Variants in RBFOX1 observed in about 807,000 individuals in gnomAD.
The protein encoded by RBFOX1 is RNA binding protein fox-1 homolog 1.
In RBFOX1, 8 loss-of-function variants were observed where a neutral mutation model predicts 57.7. The observed-to-expected ratio is 0.14, with a 90% confidence interval of 0.08 to 0.25. The LOEUF is 0.25. Among genes scored for constraint, RBFOX1 ranks in the 10% least tolerant of loss-of-function variants. The pLI, the probability that RBFOX1 is intolerant of heterozygous loss-of-function variation, is 1.00. For synonymous variants in RBFOX1, 326 were observed against 222.4 expected, an observed-to-expected ratio of 1.47 and a Z score of -4.15; for missense variants, 611 against 548.5, an observed-to-expected ratio of 1.11 and a Z score of -1.14.
At position 7,399,213 on chromosome 16, in the gene RBFOX1, C is replaced by T. The variant is rs183828940; in HGVS notation, c.28-118934C>T. On this transcript the variant is annotated intron_variant, in intron 4 of 15. Transcript: ENST00000550418. Reference sequence around the variant, plus strand: ...CTGTTATCCCAACATTTTGGGAGGCCGAAGCAGGTGGATTACCTGAGGTCA... The same window carrying T: ...CTGTTATCCCAACATTTTGGGAGGCTGAAGCAGGTGGATTACCTGAGGTCA... Among the ~76,000 whole-genome samples, 48 of 152,284 alleles carry T rather than the reference C, an allele frequency of 3.2e-4. No homozygotes were observed. The East Asian group carries it at 6.0e-3, about 19-fold the overall frequency.
At chr16:6,826,904 T>C (rs953390023) in intron 3 of RBFOX1, among the ~76,000 whole-genome samples, 6 of 152,142 alleles carry the variant, frequency 3.9e-5, no homozygotes, top group Non-Finnish European at 8.8e-5. Flanking sequence ...CCGAATAAAA[T>C]CTGAATCTCT....
At chr16:5,649,697 C>A (rs2049169577) in intron 3 of RBFOX1, among the ~76,000 whole-genome samples, 1 of 152,182 alleles carries the variant, frequency 6.6e-6, no homozygotes, top group African/African-American at 2.4e-5. Flanking sequence ...TATCCACGCA[C>A]AAAGTACTGC....
At chr16:6,724,048 C>T (rs1032093031) in intron 3 of RBFOX1, among the ~76,000 whole-genome samples, 8 of 152,172 alleles carry the variant, frequency 5.3e-5, no homozygotes, top group African/African-American at 1.7e-4. Context: ...GTACCCTGAA[C>T]ATTTATATGA....
chr16:6,694,842 C>G (rs886879747), intron 3 of RBFOX1, among the ~76,000 whole-genome samples: 2 of 151,970 alleles, frequency 1.3e-5, no homozygotes, highest in African/African-American at 4.8e-5. Flanking sequence ...CAGACCTGGT[C>G]TAGAGTCCAG....
chr16:7,647,260 C>A (rs555123788), intron 11 of RBFOX1, among the ~76,000 whole-genome samples: 3 of 152,240 alleles, frequency 2.0e-5, no homozygotes, highest in African/African-American at 7.2e-5. Flanking sequence ...ACAAGATGCT[C>A]AATTGGTATT....
At chr16:7,442,720 C>T (rs758514709) in intron 4 of RBFOX1, among the ~76,000 whole-genome samples, 18 of 152,080 alleles carry the variant, frequency 1.2e-4, no homozygotes, top group Non-Finnish European at 1.9e-4. Flanking sequence ...GATGGTTGTC[C>T]GTCTTGTCAA....
chr16:6,002,223 C>T (rs919788101), intron 4 of RBFOX1, among the ~76,000 whole-genome samples: 27 of 152,242 alleles, frequency 1.8e-4, no homozygotes, highest in African/African-American at 5.5e-4. Context: ...ATGATCCTCC[C>T]GCCCCAGCCT....
rs117695934 is a variant in RBFOX1, at chr16:5,765,663, C to T, written c.319-101640C>T. ...ATATGGTACTTTTTTGCAATTCAAC[C>T]GAAAATGGCAGGGTATGGACTCGCC... is the stretch of plus-strand genomic sequence containing the variant. On this transcript the variant is annotated intron_variant, in intron 3 of 19. Coordinates refer to the RBFOX1 transcript ENST00000641259. Among the ~76,000 whole-genome samples, 249 of 152,256 alleles carry T rather than the reference C, an allele frequency of 1.6e-3. 1 individual carries two copies. Among genetic ancestry groups the T allele is most frequent in the Non-Finnish European group, 2.9e-3 (198 of 68,020 alleles).
intron 2 of RBFOX1, among the ~76,000 whole-genome samples, chr16:5,574,366 T>G (rs1174196553): frequency 6.6e-6 from 1 of 152,210 alleles, no homozygotes; most frequent in Non-Finnish European, 1.5e-5. Flanking sequence ...CAAGCCCGCC[T>G]TGCCACATCT....
chr16:7,526,911 G>A (rs1363835575), intron 5 of RBFOX1, among the ~76,000 whole-genome samples: 2 of 152,194 alleles, frequency 1.3e-5, no homozygotes, highest in South Asian at 2.1e-4. Context: ...AGGGCTGGAA[G>A]CCCAGAAGGC....
chr16:7,175,270 G>T (rs1601878725), intron 4 of RBFOX1, among the ~76,000 whole-genome samples: 1 of 151,922 alleles, frequency 6.6e-6, no homozygotes, highest in East Asian at 1.9e-4. Flanking sequence ...TCATTTTTCA[G>T]CTCCCACTTA....
intron 3 of RBFOX1, among the ~76,000 whole-genome samples, chr16:5,813,408 G>T (rs1016675646): frequency 3.9e-5 from 6 of 151,974 alleles, no homozygotes; most frequent in Non-Finnish European, 7.4e-5. Flanking sequence ...TTCCTCCCCG[G>T]CCCTCAGTAA....
chr16:6,852,160 C>G (rs1322923994), intron 3 of RBFOX1, among the ~76,000 whole-genome samples: 1 of 152,076 alleles, frequency 6.6e-6, no homozygotes, highest in Non-Finnish European at 1.5e-5. Context: ...TGTCTGAAAT[C>G]AGTGTCACTG....
At chr16:7,194,025 T>C (rs1278830555) in intron 4 of RBFOX1, among the ~76,000 whole-genome samples, 3 of 152,178 alleles carry the variant, frequency 2.0e-5, no homozygotes, top group Admixed American at 6.5e-5. Flanking sequence ...ATTATGGATT[T>C]AGACGGGTAT....
chr16:6,209,467 C>A (rs79013738), intron 1 of RBFOX1, among the ~76,000 whole-genome samples: 6 of 152,170 alleles, frequency 3.9e-5, no homozygotes, highest in Admixed American at 2.0e-4. Context: ...AGCTTAATGC[C>A]GTCTCATCTA....
intron 3 of RBFOX1, among the ~76,000 whole-genome samples, chr16:6,694,689 G>C (rs2060751319): frequency 6.6e-6 from 1 of 152,070 alleles, no homozygotes; most frequent in South Asian, 2.1e-4. Context: ...TGGCCACCAG[G>C]AGCCACCAGC....
At chr16:5,898,933 T>A (rs2058235420) in intron 4 of RBFOX1, among the ~76,000 whole-genome samples, 1 of 151,018 alleles carries the variant, frequency 6.6e-6, no homozygotes, top group African/African-American at 2.4e-5. Context: ...TGTGGTGTCA[T>A]TTGCCTGTGG....
intron 3 of RBFOX1, among the ~76,000 whole-genome samples, chr16:6,781,339 T>G (rs2080987779): frequency 6.6e-6 from 1 of 152,144 alleles, no homozygotes; most frequent in Non-Finnish European, 1.5e-5. Context: ...AGTATTTTGT[T>G]GAGGATTTTT....
intron 3 of RBFOX1, among the ~76,000 whole-genome samples, chr16:7,042,435 C>G (rs1159320056): frequency 6.6e-6 from 1 of 152,166 alleles, no homozygotes; most frequent in Non-Finnish European, 1.5e-5. Flanking sequence ...TTTAGGAATT[C>G]ACTCACTCTG....
Sources: allele counts gnomAD v4.1 joint callset (sites outside exome capture counted in the v4.1 genomes callset), GRCh38; gene constraint gnomAD v4.1.1; transcripts MANE v1.5; gene names NCBI Gene and HGNC (gene_info 2026-07-23, HGNC 2026-07-21).